The following PHLDB3 variants were observed in gnomAD, a reference collection of about 807,000 sequenced individuals.
The protein encoded by PHLDB3 is pleckstrin homology-like domain family B member 3.
PHLDB3 carries 86 observed loss-of-function variants against 85.7 expected under a neutral mutation model. The observed-to-expected ratio is 1.00, with a 90% CI of 0.84 to 1.20. PHLDB3 has a LOEUF of 1.20. Among genes scored for constraint, PHLDB3 ranks in the 50% most tolerant of loss-of-function variants. The probability of loss-of-function intolerance (pLI) is 0.00; values close to 1 mark genes in which losing one functional copy is unlikely to be tolerated. For missense variants in PHLDB3, 995 were observed against 873.0 expected (o/e 1.14, Z -1.76); for synonymous variants, 376 against 349.8 (o/e 1.07, Z -0.83).
chr19:43,479,460 A>G lies in PHLDB3; in HGVS notation c.1619T>C (p.Val540Ala). Reference sequence around the variant, plus strand: ...GGTCTTGATGCGGCCGCCCATCTTCACCAGGGGTCCACGGCAGCAGCACCC... The same window carrying G: ...GGTCTTGATGCGGCCGCCCATCTTCGCCAGGGGTCCACGGCAGCAGCACCC... ...VSGCCCRGPL[V>A]KMGGRIKTWR... Residue 540 changes from valine (V) to alanine (A), a missense_variant, in exon 14 of 16, where the codon GTG (valine) becomes GCG (alanine). By Grantham distance (64) the Val-to-Ala change is moderately conservative. Transcript: ENST00000292140. The G allele has an allele frequency of 1.3e-6, 2 of 1,564,944 alleles. No individual in the cohort carries two copies. The highest frequency in any genetic ancestry group is 2.4e-5 in the South Asian group (2 of 84,814).
Position 43,487,044 on chromosome 19 carries a change from G to A in PHLDB3, c.1229C>T (p.Pro410Leu). The part of the protein sequence containing the change: ...ERGSQRGSPR[P>L]LSFHCTESLE... ...CTCACCAGTACAATGGAAGGACAGA[G>A]GTCGGGGGGATCCTCTCTGGCTCCC... The change falls in exon 10 of 16, where the codon CCT (proline) becomes CTT (leucine). Residue 410 changes from proline to leucine, a missense_variant. Transcript: ENST00000292140. The A allele has an allele frequency of 1.3e-6, 2 of 1,576,312 alleles. No individual in the cohort carries two copies. The highest frequency in any genetic ancestry group is 1.4e-5 in the African/African-American group (1 of 74,072).
rs769600215 is a variant in PHLDB3 at position 43,504,109 on chromosome 19, G to C, written c.10C>G (p.Arg4Gly). The change falls in exon 2 of 16, where the codon CGA (arginine) becomes GGA (glycine). Residue 4 changes from arginine to glycine, a missense_variant. Transcript: ENST00000292140. ...GGGGTCCCCTCCTCGGGGCTGCTTCGCGTCCCCATGGCCGCTGGGACTCCT... is the reference window on the plus strand; with the variant it reads ...GGGGTCCCCTCCTCGGGGCTGCTTCCCGTCCCCATGGCCGCTGGGACTCCT... MGTRSSPEEGTPPP... is the reference protein window; with the variant it reads MGTGSSPEEGTPPP... The C allele has an allele frequency of 2.5e-6, 4 of 1,599,344 alleles. No homozygotes were observed. Among genetic ancestry groups the C allele is most frequent in the East Asian group, 2.3e-5 (1 of 44,062 alleles).
intron 6 of PHLDB3, 160 bp from the exon 7 acceptor site, chr19:43,495,780 C>T (rs991336286): frequency 3.0e-5 from 30 of 1,001,990 alleles, no homozygotes; most frequent in Non-Finnish European, 4.0e-5. Context: ...GCTCCCTGGA[C>T]CCTCTTCCCT....
At chr19:43,500,682 G>A (rs1262888010) in intron 4 of PHLDB3, among the ~76,000 whole-genome samples, 4 of 152,096 alleles carry the variant, frequency 2.6e-5, no homozygotes, top group African/African-American at 9.7e-5. Context: ...TATCGCCCAG[G>A]TTGGAGTGCA....
intron 3 of PHLDB3, 27 bp downstream of exon 3, chr19:43,502,074 G>T: frequency 6.5e-7 from 1 of 1,550,294 alleles, no homozygotes; most frequent in South Asian, 1.2e-5. Flanking sequence ...GTTGGGGCCA[G>T]GCTTCCCAAG....
intron 4 of PHLDB3, among the ~76,000 whole-genome samples, chr19:43,500,314 A>G (rs1428642326): frequency 6.6e-6 from 1 of 152,128 alleles, no homozygotes; most frequent in Non-Finnish European, 1.5e-5. Context: ...CTGGCTCAGG[A>G]AGCACTAAAG....
At chr19:43,485,014 AAG>A (rs1971122710) in intron 13 of PHLDB3, among the ~76,000 whole-genome samples, 1 of 152,002 alleles carries the variant, frequency 6.6e-6, no homozygotes, top group African/African-American at 2.4e-5. Flanking sequence ...ATGAGAAAAA[AAG>A]AAAAATATTA....
At position 43,497,201 on chromosome 19, in the gene PHLDB3, C is replaced by T. The variant is rs770981637; in HGVS notation, c.742G>A (p.Glu248Lys). ...FQQLERESRQ[E>K]EEDRDSPGPQ... is the part of the protein sequence containing the mutation. ...CCAGGGCTGTCCCGATCCTCCTCCT[C>T]CTGCCGGCTCTCCCGCTCCAGTTGC... Residue 248 changes from glutamate to lysine, a missense_variant, in exon 6 of 16, where the codon GAG becomes AAG. Coordinates refer to ENST00000292140, the MANE Select transcript of PHLDB3 (RefSeq NM_198850.4). 1.3e-6 allele frequency: 2 copies of T among 1,558,292 alleles called. No individual in the cohort carries two copies. The highest frequency in any genetic ancestry group is 2.4e-5 in the South Asian group (2 of 83,918).
At position 43,496,806 on chromosome 19, in the gene PHLDB3, C is replaced by T. The variant is rs564157153; in HGVS notation, c.825+312G>A. 7.6e-6 allele frequency: 3 copies of T among 393,926 alleles called. No individual in the cohort carries two copies. In the Admixed American group the frequency reaches 1.3e-4, roughly 18 times the overall value. The allele number at this position is 393,926 out of a possible 1,614,324, so 24.4% of individuals were successfully genotyped here. A position where few individuals can be genotyped will look rare whatever the true frequency, so the allele number is the denominator to read the frequency against. ...AAAATAAAAAAATCCTGGCTCTGTC[C>T]CTTACTAAGGAAACTTGGAAAAGAT... On this transcript the variant is annotated intron_variant, in intron 6 of 15. Transcript: ENST00000292140.
chr19:43,487,927 G>T (rs965775392), intron 9 of PHLDB3, among the ~76,000 whole-genome samples: 1 of 151,936 alleles, frequency 6.6e-6, no homozygotes, highest in Non-Finnish European at 1.5e-5. Flanking sequence ...GCCGAGGCGG[G>T]TGAATAACTT....
At chr19:43,498,154 A>G (rs571256295) in intron 4 of PHLDB3, among the ~76,000 whole-genome samples, 2 of 152,244 alleles carry the variant, frequency 1.3e-5, no homozygotes, top group African/African-American at 2.4e-5. Context: ...CCTGGGCAAC[A>G]TAGGGGGAGC....
intron 13 of PHLDB3, among the ~76,000 whole-genome samples, chr19:43,480,365 A>G (rs1971020830): frequency 6.8e-6 from 1 of 146,390 alleles, no homozygotes; most frequent in African/African-American, 2.6e-5. Context: ...CTGAAGTGGG[A>G]GGATCACTTG....
In PHLDB3 at chr19:43,487,018, C is replaced by A. The variant is rs554314661; in HGVS notation, c.1249+6G>T. The stretch of plus-strand genomic sequence containing the variant: ...GGAAGGAAGTGGGGAACAGGGGGAT[C>A]CTCACCAGTACAATGGAAGGACAGA... On this transcript the variant is annotated splice_donor_region_variant and intron_variant, in intron 10 of 15. Transcript: ENST00000292140. The A allele has an allele frequency of 5.8e-6, 9 of 1,547,048 alleles. No individual in the cohort carries two copies. The highest frequency in any genetic ancestry group is 5.2e-6 in the Non-Finnish European group (6 of 1,149,544).
Position 43,485,114 on chromosome 19 carries a change from A to G in PHLDB3, c.1485+1152T>C, listed in dbSNP as rs569944680. On this transcript the variant is annotated intron_variant, in intron 13 of 15. Coordinates refer to ENST00000292140, the MANE Select transcript of PHLDB3 (RefSeq NM_198850.4). ...TAAAAAGTTGGCAAGTACAAGATTC[A>G]ATATTGAAAATGATTAAAGCTGCGC... is the stretch of plus-strand genomic sequence containing the variant. 3.3e-5 allele frequency among the ~76,000 whole-genome samples: 5 copies of G among 152,262 alleles called. No individual in the cohort carries two copies. The East Asian group carries it at 9.6e-4, about 29-fold the overall frequency.
chr19:43,497,385 C>T, intron 5 of PHLDB3, 106 bp from the exon 6 acceptor site: 1 of 979,638 alleles, frequency 1.0e-6, no homozygotes, highest in South Asian at 2.1e-5. Flanking sequence ...TGACTGAGGA[C>T]TTGGATTCCT....
At position 43,499,953 on chromosome 19, in the gene PHLDB3, C is replaced by T. The variant is rs1345841013; in HGVS notation, c.534+1781G>A. The stretch of plus-strand genomic sequence containing the variant: ...ATGGGGTTTCATCATGTTGGCCAGG[C>T]TGGCCTCGAACTGCGGTGGCTCATA... On this transcript the variant is annotated intron_variant, in intron 4 of 15. Transcript: ENST00000292140. Among the ~76,000 whole-genome samples the T allele has an allele frequency of 2.0e-5, 3 of 152,148 alleles. No individual in the cohort carries two copies. In the East Asian group the frequency reaches 5.9e-4, roughly 30 times the overall value.
At chr19:43,484,404 TAA>T (rs756226610) in intron 13 of PHLDB3, among the ~76,000 whole-genome samples, 263 of 141,342 alleles carry the variant, frequency 1.9e-3, no homozygotes, top group Admixed American at 4.1e-3. Context: ...TTTGTTATGT[TAA>T]AAAAAAAAAA....
At chr19:43,500,074 T>C (rs1461214633) in intron 4 of PHLDB3, among the ~76,000 whole-genome samples, 4 of 152,026 alleles carry the variant, frequency 2.6e-5, no homozygotes, top group Non-Finnish European at 5.9e-5. Context: ...ACCCCATCTC[T>C]ACTGAAAATA....
At chr19:43,481,593 T>G (rs1259787481) in intron 13 of PHLDB3, among the ~76,000 whole-genome samples, 2 of 150,820 alleles carry the variant, frequency 1.3e-5, no homozygotes, top group Non-Finnish European at 3.0e-5. Flanking sequence ...ACTCCAGCCT[T>G]GGCAACAAGA....
Sources: gnomAD v4.1 joint callset for allele counts (sites outside exome capture counted in the v4.1 genomes callset) on GRCh38, gnomAD v4.1.1 for gene constraint, MANE v1.5 for transcripts, NCBI Gene and HGNC (gene_info 2026-07-23, HGNC 2026-07-21) for gene names.